Variants in TBRG4 observed in about 807,000 individuals in gnomAD.
TBRG4 encodes transforming growth factor beta regulator 4, also known as FAST kinase domain-containing protein 4.
TBRG4 carries 43 observed loss-of-function variants against 65.6 expected under a neutral mutation model. That is an observed-to-expected ratio of 0.66 (90% confidence interval 0.51 to 0.85). TBRG4 has a LOEUF of 0.85. Among genes scored for constraint, TBRG4 ranks in the 40% least tolerant of loss-of-function variants. The pLI is 0.00. For synonymous variants in TBRG4, 366 were observed against 341.4 expected (o/e 1.07, Z -0.79); for missense variants, 709 against 787.9 (o/e 0.90, Z 1.20).
chr7:45,104,899 C>T (rs770056741), intron 3 of TBRG4, 190 bp from the exon 4 acceptor site: 16 of 940,780 alleles, frequency 1.7e-5, no homozygotes, highest in East Asian at 4.8e-5. Flanking sequence ...AACCCCTGGA[C>T]CTGGAGCACT....
chr7:45,103,650 G>T (rs915329269), intron 5 of TBRG4: 6 of 577,822 alleles, frequency 1.0e-5, no homozygotes, highest in African/African-American at 9.3e-5. Context: ...ACCCACAGAG[G>T]CTGGGGACAC....
chr7:45,103,051 G>A (rs557245015), intron 6 of TBRG4: 52 of 495,056 alleles, frequency 1.1e-4, no homozygotes, highest in African/African-American at 8.7e-4. Context: ...TAGCACGAAG[G>A]CCCACTGGAG....
Position 45,108,830 on chromosome 7 carries a change from A to G in TBRG4, c.408T>C (p.Ser136=). Residue 136 remains serine (S), a synonymous_variant, in exon 2 of 11, where the codon AGT becomes AGC. Coordinates refer to ENST00000258770, the MANE Select transcript of TBRG4 (RefSeq NM_004749.4). ...CAGACCACACTCCGGCACCCACCTGACTGTTGAGCAGACAGAGAAGTTGAT... is the reference window on the plus strand; with the variant it reads ...CAGACCACACTCCGGCACCCACCTGGCTGTTGAGCAGACAGAGAAGTTGAT... The part of the protein sequence containing the change: ...HFHQLLCLLN[S]QIASVWHGTL... 1 of 1,528,970 alleles carries G rather than the reference A, an allele frequency of 6.5e-7. No individual in the cohort carries two copies. The highest frequency in any genetic ancestry group is 2.3e-5 in the East Asian group (1 of 44,104). 94.7% of individuals were successfully genotyped at this position (1,528,970 alleles called of 1,614,324 possible).
intron 8 of TBRG4, 34 bp from the exon 9 acceptor site, chr7:45,101,648 G>A (rs1014459510): frequency 1.9e-6 from 3 of 1,606,768 alleles, no homozygotes; most frequent in Non-Finnish European, 2.6e-6. Flanking sequence ...AACATGTTGG[G>A]GGACATCCCT....
In TBRG4 at chr7:45,108,968, A is replaced by G; in HGVS notation, c.270T>C (p.Gly90=). 1 of 1,612,826 alleles carries G rather than the reference A, an allele frequency of 6.2e-7. No individual in the cohort carries two copies. The highest frequency in any genetic ancestry group is 8.5e-7 in the Non-Finnish European group (1 of 1,179,422). ...GATTGCTGTCCAAGTCGTGACTGCC[A>G]CCAAGTAGCTCCAGGAGCTCCTCTG... ...TRPEELLELL[G]GSHDLDSNQA... is the part of the protein sequence containing the mutation. Residue 90 remains glycine (G), a synonymous_variant, in exon 2 of 11, where the codon GGT becomes GGC. Transcript: ENST00000258770.
rs749110550 is a variant in TBRG4 at position 45,101,379 on chromosome 7, G to A, written c.1680-7C>T. On this transcript the variant is annotated splice_polypyrimidine_tract_variant and splice_region_variant and intron_variant, in intron 9 of 10. Coordinates refer to ENST00000258770, the MANE Select transcript of TBRG4 (RefSeq NM_004749.4). ...CCACCGCAAGAACGCTAGCCTGGAA[G>A]GAAGAAGAGGTGGCTGACATGCTTC... 4 of 1,613,768 alleles carry A rather than the reference G, an allele frequency of 2.5e-6. No homozygotes were observed. Among genetic ancestry groups the A allele is most frequent in the Non-Finnish European group, 3.4e-6 (4 of 1,179,834 alleles).
rs769678896 is a variant in TBRG4 at position 45,101,305 on chromosome 7, C to A, written c.1747G>T (p.Val583Phe). The A allele has an allele frequency of 6.2e-7, 1 of 1,614,020 alleles. No individual in the cohort carries two copies. Among genetic ancestry groups the A allele is most frequent in the East Asian group, 2.2e-5 (1 of 44,892 alleles). The change falls in exon 10 of 11, where the codon GTT (valine) becomes TTT (phenylalanine). Residue 583 changes from valine (V) to phenylalanine (F), a missense_variant. Val to Phe is a conservative substitution (Grantham distance 50). Transcript: ENST00000258770. ...SRSKDLLGRFVLARRHIVAAG... is the reference protein window; with the variant it reads ...SRSKDLLGRFFLARRHIVAAG... ...GCCACTATGTGTCGCCGGGCCAGAA[C>A]AAAGCGACCCAGCAAGTCCTTGCTT... is the stretch of plus-strand genomic sequence containing the variant.
At position 45,104,249 on chromosome 7, in the gene TBRG4, G is replaced by C. The variant is rs1784864173; in HGVS notation, c.915C>G (p.Leu305=). 1 of 1,613,784 alleles carries C rather than the reference G, an allele frequency of 6.2e-7. No individual in the cohort carries two copies. The highest frequency in any genetic ancestry group is 8.5e-7 in the Non-Finnish European group (1 of 1,179,914). ...LLDVAYAYGK[L]SFHQTQVSQR... ...GGGACACCTGGGTCTGGTGAAAGCT[G>C]AGTTTGCCTTCAGGACAGAGCAGAT... Residue 305 remains leucine, a synonymous_variant, in exon 5 of 11, where the codon CTC becomes CTG. Coordinates refer to ENST00000258770, the MANE Select transcript of TBRG4 (RefSeq NM_004749.4).
Position 45,109,752 on chromosome 7 carries a change from G to A in TBRG4, c.-50-465C>T, listed in dbSNP as rs528877246. Among the ~76,000 whole-genome samples the A allele has an allele frequency of 1.2e-4, 18 of 152,046 alleles. 1 individual carries two copies. In the South Asian group the frequency reaches 3.1e-3, roughly 26 times the overall value. The stretch of plus-strand genomic sequence containing the variant: ...AGCACTTTGGGAGGCCTAGGCGGGT[G>A]GATCACTTGAGGTCAGGAGTTTGAG... On this transcript the variant is annotated intron_variant, in intron 1 of 10. Coordinates refer to ENST00000258770, the MANE Select transcript of TBRG4 (RefSeq NM_004749.4).
intron 3 of TBRG4, chr7:45,105,195 T>C (rs191050535): frequency 6.5e-5 from 40 of 611,298 alleles, no homozygotes; most frequent in Middle Eastern, 3.8e-4. Context: ...AAAGGTGCAA[T>C]CAGGGAAGCG....
chr7:45,107,462 TAAAAC>T (rs1021497044), intron 2 of TBRG4: 10 of 152,244 alleles, frequency 6.6e-5, no homozygotes, highest in African/African-American at 2.4e-4. Context: ...GAGCAGATGG[TAAAAC>T]AAGTATGGCT....
chr7:45,102,209 G>A, intron 7 of TBRG4, 138 bp downstream of exon 7: 2 of 1,535,800 alleles, frequency 1.3e-6, no homozygotes, highest in East Asian at 2.3e-5. Flanking sequence ...CGGTCTGCTG[G>A]CCACCTACAG....
Position 45,104,671 on chromosome 7 carries a change from C to T in TBRG4, c.774G>A (p.Leu258=). ...CTGCCAGCATCACCAGCACCTTCCG[C>T]AGCTCATTGGGGCCAAAGTGCTCCA... ...ELVEHFGPNE[L]RKVLVMLAAQ... Residue 258 remains leucine (L), a synonymous_variant, in exon 4 of 11, where the codon CTG becomes CTA. Coordinates refer to ENST00000258770, the MANE Select transcript of TBRG4 (RefSeq NM_004749.4). The T allele has an allele frequency of 6.2e-7, 1 of 1,613,976 alleles. No homozygotes were observed. The highest frequency in any genetic ancestry group is 8.5e-7 in the Non-Finnish European group (1 of 1,180,042).
intron 8 of TBRG4, 105 bp from the exon 9 acceptor site, chr7:45,101,719 C>G (rs986300968): frequency 1.8e-5 from 28 of 1,593,820 alleles, no homozygotes; most frequent in Non-Finnish European, 2.4e-5. Context: ...CAGGCTGACA[C>G]CCTGCAGCTC....
rs1784781703 is a variant in TBRG4 at position 45,102,085 on chromosome 7, GA to G, written c.1322-16del. ...AGACTTGCCCCCTAGGAGACAAGGAGAAAGAAGAGGGAGGTGGGCCTACGGC... is the reference window on the plus strand; with the variant it reads ...AGACTTGCCCCCTAGGAGACAAGGAGAAGAAGAGGGAGGTGGGCCTACGGC... On this transcript the variant is annotated splice_polypyrimidine_tract_variant and intron_variant, in intron 7 of 10. Transcript: ENST00000258770. 2 of 1,566,508 alleles carry G rather than the reference GA, an allele frequency of 1.3e-6. No individual in the cohort carries two copies. Among genetic ancestry groups the G allele is most frequent in the Non-Finnish European group, 8.6e-7 (1 of 1,163,214 alleles).
intron 1 of TBRG4, among the ~76,000 whole-genome samples, chr7:45,110,084 C>T (rs990982660): frequency 1.3e-5 from 2 of 152,016 alleles, no homozygotes; most frequent in African/African-American, 4.8e-5. Flanking sequence ...CACTAGCCTA[C>T]TAAAACCCCC....
intron 2 of TBRG4, chr7:45,106,281 GA>G (rs1302801822): frequency 3.1e-6 from 1 of 320,636 alleles, no homozygotes; most frequent in African/African-American, 2.2e-5. Flanking sequence ...TTTCCCCAAT[GA>G]AGTTTTGACC....
chr7:45,105,583 T>C lies in TBRG4; in HGVS notation c.593A>G (p.Gln198Arg). Residue 198 changes from glutamine to arginine, a missense_variant, in exon 3 of 11, where the codon CAG becomes CGG. Physicochemically the swap from Gln to Arg is conservative, Grantham distance 43 (BLOSUM62 1). Transcript: ENST00000258770. ...CTCAGCCAGCAGCTCCTGCGAGTGC[T>C]GCTCCTGTGAGAGGGTGGCACAGGA... ...AESCATLSQE[Q>R]HSQELLAELL... 2 of 1,614,192 alleles carry C rather than the reference T, an allele frequency of 1.2e-6. No homozygotes were observed. The highest frequency in any genetic ancestry group is 2.2e-5 in the South Asian group (2 of 91,086).
chr7:45,109,812 A>G (rs1448993899), intron 1 of TBRG4, among the ~76,000 whole-genome samples: 4 of 151,950 alleles, frequency 2.6e-5, no homozygotes, highest in Admixed American at 2.6e-4. Flanking sequence ...CCCCATCTTT[A>G]CTAAAAATAT....
Sources: gnomAD v4.1 joint callset for allele counts (sites outside exome capture counted in the v4.1 genomes callset) on GRCh38, gnomAD v4.1.1 for gene constraint, MANE v1.5 for transcripts, NCBI Gene and HGNC (gene_info 2026-07-23, HGNC 2026-07-21) for gene names.